UBR3: variants seen among roughly 807,000 people sequenced by gnomAD.
UBR3 encodes ubiquitin protein ligase E3 component n-recognin 3.
Under a neutral mutation model 243.2 loss-of-function variants are expected in UBR3, and 85 were observed. That is an observed-to-expected ratio of 0.35 (90% CI 0.29 to 0.42). The LOEUF (loss-of-function observed/expected upper bound fraction) is 0.42, where lower values mean the gene tolerates loss of function less well. Ranked by LOEUF, UBR3 falls within the 10% of genes least tolerant of loss-of-function variation. The pLI is 1.00. For synonymous variants in UBR3, 748 were observed against 799.8 expected (o/e 0.94, Z 1.09); for missense variants, 1,686 against 2,300.8 (o/e 0.73, Z 5.47).
At chr2:169,877,330 A>G (rs2083656692) in intron 3 of UBR3, among the ~76,000 whole-genome samples, 164 bp from the exon 4 acceptor site, 1 of 152,240 alleles carries the variant, frequency 6.6e-6, no homozygotes, top group African/African-American at 2.4e-5. Flanking sequence ...TGTTAGTGCT[A>G]AACATAAGCA....
rs2085488692 is a variant in UBR3 at position 169,916,994 on chromosome 2, AC to A, written c.1866+2850del. Among the ~76,000 whole-genome samples the A allele has an allele frequency of 2.0e-5, 3 of 150,514 alleles. No individual in the cohort carries two copies. In the South Asian group the frequency reaches 6.3e-4, roughly 32 times the overall value. On this transcript the variant is annotated intron_variant, in intron 11 of 38. Transcript: ENST00000272793. ...TATTTTTACCCTGCTCCCTCTCTTT[AC>A]CTCCCAGTGGCTTTAGGAATGGTTT... is the stretch of plus-strand genomic sequence containing the variant.
At chr2:170,071,943 G>C (rs1469842011) in intron 35 of UBR3, among the ~76,000 whole-genome samples, 1 of 152,132 alleles carries the variant, frequency 6.6e-6, no homozygotes, top group Non-Finnish European at 1.5e-5. Context: ...AGAGGATGTG[G>C]AGAAATAGGA....
chr2:170,002,681 G>C (rs895512747), intron 27 of UBR3, among the ~76,000 whole-genome samples: 23 of 151,982 alleles, frequency 1.5e-4, no homozygotes, highest in Non-Finnish European at 2.8e-4. Context: ...TTCATCAGTA[G>C]GTAACTTCTT....
chr2:169,860,486 C>T (rs904434974), intron 1 of UBR3, among the ~76,000 whole-genome samples: 7 of 152,138 alleles, frequency 4.6e-5, no homozygotes, highest in African/African-American at 9.7e-5. Context: ...TCGCCATTCT[C>T]GCTGTTGGGA....
At position 169,996,688 on chromosome 2, in the gene UBR3, C is replaced by CTTTT. The variant is rs1208683414; in HGVS notation, c.3918+2233_3918+2236dup. On this transcript the variant is annotated intron_variant, in intron 26 of 38. Transcript: ENST00000272793. ...TTTCTTTGTTCTTTATTGCTTTGGA[C>CTTTT]TTTTGTTTTTTTTTTTTTTTTTTTA... 1.8e-4 allele frequency among the ~76,000 whole-genome samples: 16 copies of CTTTT among 88,318 alleles called. 1 individual carries two copies. The highest frequency in any genetic ancestry group is 4.9e-4 in the South Asian group (1 of 2,048). 57.9% of individuals were successfully genotyped at this position (88,318 alleles called of 152,430 possible).
At chr2:169,842,874 C>T (rs1372035758) in intron 1 of UBR3, among the ~76,000 whole-genome samples, 1 of 152,228 alleles carries the variant, frequency 6.6e-6, no homozygotes, top group Non-Finnish European at 1.5e-5. Flanking sequence ...GGGTACAATT[C>T]AGCCAATTTT....
At chr2:170,061,223 A>G in intron 34 of UBR3, 37 bp downstream of exon 34, 1 of 1,580,240 alleles carries the variant, frequency 6.3e-7, no homozygotes, top group South Asian at 1.2e-5. Flanking sequence ...GCGGTTATTT[A>G]GTAAAAAATT....
intron 32 of UBR3, among the ~76,000 whole-genome samples, chr2:170,050,165 G>A (rs1438035279): frequency 2.6e-5 from 4 of 152,114 alleles, no homozygotes; most frequent in Non-Finnish European, 4.4e-5. Context: ...AAACCGTTTG[G>A]ATTCTTCACT....
intron 31 of UBR3, among the ~76,000 whole-genome samples, chr2:170,037,068 G>A (rs2090850904): frequency 6.6e-6 from 1 of 152,080 alleles, no homozygotes; most frequent in Admixed American, 6.6e-5. Context: ...CTCACCTGTA[G>A]TGTTAGGTGA....
At chr2:169,893,674 G>T (rs1283082199) in intron 6 of UBR3, among the ~76,000 whole-genome samples, 1 of 152,142 alleles carries the variant, frequency 6.6e-6, no homozygotes, top group Non-Finnish European at 1.5e-5. Context: ...CAATCCTCCT[G>T]TCTCAACCTG....
rs2089407036 is a variant in UBR3, at chr2:169,994,419, A to G, written c.3881A>G (p.Asp1294Gly). 6.2e-7 allele frequency: 1 copy of G among 1,614,178 alleles called. No individual in the cohort carries two copies. The highest frequency in any genetic ancestry group is 8.5e-7 in the Non-Finnish European group (1 of 1,180,026). The change falls in exon 26 of 39, where the codon GAT (aspartate) becomes GGT (glycine). Residue 1294 changes from aspartate (D) to glycine (G), a missense_variant. Physicochemically the swap from Asp to Gly is moderately conservative, Grantham distance 94. This residue lies in a region of UBR3 where 156 missense variants were observed against 246.3 expected (regional missense o/e 0.63). Transcript: ENST00000272793. ...YPWDTCAAVH[D>G]VRLSLLQRYF... ...TGGGATACCTGTGCAGCCGTTCATG[A>G]TGTGAGGCTTTCATTATTACAGCGT...
chr2:169,838,758 CAA>C (rs930470570), intron 1 of UBR3, among the ~76,000 whole-genome samples: 9 of 152,116 alleles, frequency 5.9e-5, no homozygotes, highest in African/African-American at 2.2e-4. Flanking sequence ...AGCACCAGCT[CAA>C]AAGTCTAAAG....
intron 30 of UBR3, 107 bp from the exon 31 acceptor site, chr2:170,029,239 C>T (rs2090607924): frequency 3.6e-6 from 3 of 833,272 alleles, no homozygotes; most frequent in African/African-American, 3.5e-5. Flanking sequence ...TTTTAATTGT[C>T]AGGATGGGAA....
chr2:169,845,643 G>A lies in UBR3; in HGVS notation c.545+17591G>A, dbSNP rs528508150. Reference sequence around the variant, plus strand: ...CTGTCACCTAGGCTGGAATGCAGTGGTGCACCATCTCAGCTCACTGCAGCC... The same window carrying A: ...CTGTCACCTAGGCTGGAATGCAGTGATGCACCATCTCAGCTCACTGCAGCC... On this transcript the variant is annotated intron_variant, in intron 1 of 38. Coordinates refer to ENST00000272793, the MANE Select transcript of UBR3 (RefSeq NM_172070.4). Among the ~76,000 whole-genome samples, 24 of 150,248 alleles carry A rather than the reference G, an allele frequency of 1.6e-4. 1 individual carries two copies. The South Asian group carries it at 5.1e-3, about 32-fold the overall frequency.
chr2:169,897,396 ATAGT>A (rs1419418905), intron 8 of UBR3, among the ~76,000 whole-genome samples: 1 of 151,976 alleles, frequency 6.6e-6, no homozygotes, highest in Non-Finnish European at 1.5e-5. Context: ...TCATTTCTCT[ATAGT>A]TACTCATCTT....
intron 18 of UBR3, among the ~76,000 whole-genome samples, chr2:169,931,205 G>A (rs965144977): frequency 6.6e-6 from 1 of 151,866 alleles, no homozygotes; most frequent in African/African-American, 2.4e-5. Context: ...CAAAAAATTA[G>A]CCGGGCTTGG....
chr2:170,079,505 T>C (rs1326233724), intron 36 of UBR3, among the ~76,000 whole-genome samples: 1 of 152,244 alleles, frequency 6.6e-6, no homozygotes, highest in African/African-American at 2.4e-5. Context: ...TACAATTAGA[T>C]GTATTTTCCC....
At chr2:170,035,494 G>A (rs898956557) in intron 31 of UBR3, among the ~76,000 whole-genome samples, 5 of 151,908 alleles carry the variant, frequency 3.3e-5, no homozygotes, top group East Asian at 1.9e-4. Flanking sequence ...CTATTTCTGG[G>A]CTCTCTGTTC....
Position 169,901,433 on chromosome 2 carries a change from T to C in UBR3, c.1466-3681T>C, listed in dbSNP as rs2084818778. Among the ~76,000 whole-genome samples the C allele has an allele frequency of 2.6e-5, 4 of 152,188 alleles. No individual in the cohort carries two copies. The South Asian group carries it at 8.3e-4, about 31-fold the overall frequency. On this transcript the variant is annotated intron_variant, in intron 8 of 38. Transcript: ENST00000272793. Reference sequence around the variant, plus strand: ...AGTAGTAGCATAAGATATCATGATATATATTTACTGCTTTTCTAAAAGTAT... The same window carrying C: ...AGTAGTAGCATAAGATATCATGATACATATTTACTGCTTTTCTAAAAGTAT...
Sources: allele counts gnomAD v4.1 joint callset (sites outside exome capture counted in the v4.1 genomes callset), GRCh38; gene constraint gnomAD v4.1.1; regional missense constraint gnomAD v4.1.1; transcripts MANE v1.5; gene names NCBI Gene and HGNC (gene_info 2026-07-23, HGNC 2026-07-21).